The following SYBU variants were observed in gnomAD, a reference collection of about 807,000 sequenced individuals.
The protein encoded by SYBU is GOLSYN A protein.
Under a neutral mutation model 35.9 loss-of-function variants are expected in SYBU, and 21 were observed. That is an observed-to-expected ratio of 0.58 (90% CI 0.41 to 0.84). The LOEUF is 0.84. SYBU is among the 40% of genes least tolerant of loss of function. The pLI is 0.00. For missense variants in SYBU, 768 were observed against 848.2 expected (o/e 0.91, Z 1.17); for synonymous variants, 319 against 324.3 (o/e 0.98, Z 0.18).
chr8:109,657,191 T>G (rs1334941940), intron 1 of SYBU, among the ~76,000 whole-genome samples: 2 of 152,196 alleles, frequency 1.3e-5, no homozygotes, highest in Non-Finnish European at 2.9e-5. Context: ...ACGTATAAAC[T>G]TTTCTTAACG....
chr8:109,654,287 G>A (rs1303308785), intron 1 of SYBU, among the ~76,000 whole-genome samples: 1 of 152,144 alleles, frequency 6.6e-6, no homozygotes, highest in Non-Finnish European at 1.5e-5. Flanking sequence ...TGTACTCACA[G>A]CTCTACCAAA....
chr8:109,681,090 G>A (rs1447490063), upstream of SYBU: 1 of 152,208 alleles, frequency 6.6e-6, no homozygotes, highest in East Asian at 1.9e-4. Flanking sequence ...ACAGCTGGAA[G>A]TTTGTGGTCA....
chr8:109,644,759 C>G lies in SYBU; in HGVS notation c.-100G>C. Reference sequence around the variant, plus strand: ...GGAGACTGCGCTGAGCCGGCGCGGGCTGCGGGCGGCGGCTCTTGGTGAGGC... The same window carrying G: ...GGAGACTGCGCTGAGCCGGCGCGGGGTGCGGGCGGCGGCTCTTGGTGAGGC... On this transcript the variant is annotated 5_prime_UTR_variant, in exon 1 of 7. Coordinates refer to ENST00000276646, the MANE Select transcript of SYBU (RefSeq NM_001099754.2). 8.3e-7 allele frequency: 1 copy of G among 1,198,300 alleles called. No homozygotes were observed. The highest frequency in any genetic ancestry group is 4.2e-5 in the Admixed American group (1 of 23,766). 74.2% of individuals were successfully genotyped at this position (1,198,300 alleles called of 1,614,324 possible).
At chr8:109,577,804 C>T (rs566536983) in intron 6 of SYBU, 64 bp downstream of exon 6, 7 of 1,462,928 alleles carry the variant, frequency 4.8e-6, no homozygotes, top group Admixed American at 2.3e-5. Context: ...AGTTTGGGTT[C>T]ATATTTCATT....
chr8:109,673,244 C>A (rs1301537236), intron 1 of SYBU, among the ~76,000 whole-genome samples: 1 of 152,162 alleles, frequency 6.6e-6, no homozygotes, highest in Non-Finnish European at 1.5e-5. Context: ...CTGGGAGACA[C>A]CTCCCAGCAA....
At chr8:109,642,529 T>C (rs1815023104) in intron 2 of SYBU, among the ~76,000 whole-genome samples, 199 bp downstream of exon 2, 1 of 152,206 alleles carries the variant, frequency 6.6e-6, no homozygotes, top group Non-Finnish European at 1.5e-5. Context: ...AAAATTCAGG[T>C]GTGAGATTCC....
intron 1 of SYBU, among the ~76,000 whole-genome samples, chr8:109,689,658 G>A (rs752377399): frequency 2.0e-5 from 3 of 151,992 alleles, no homozygotes; most frequent in Admixed American, 6.5e-5. Context: ...ATGTAGATTC[G>A]TGTAACCACA....
Position 109,575,036 on chromosome 8 carries a change from G to A in SYBU, c.1862C>T (p.Thr621Met), listed in dbSNP as rs202210001. 2.5e-5 allele frequency: 40 copies of A among 1,606,694 alleles called. No homozygotes were observed. Among genetic ancestry groups the A allele is most frequent in the South Asian group, 5.5e-5 (5 of 90,092 alleles). The change falls in exon 7 of 7, where the codon ACG becomes ATG. Residue 621 changes from threonine (T) to methionine (M), a missense_variant. Physicochemically the swap from Thr to Met is moderately conservative, Grantham distance 81. Transcript: ENST00000276646. ...CTGAGTACTGAATGCCCACAGAACC[G>A]TGGGGACCACGGGGGCAGCCACAGC... is the stretch of plus-strand genomic sequence containing the variant. Reference protein sequence around the residue: ...LLAVAAPVVPTVLWAFSTQRG... With the variant: ...LLAVAAPVVPMVLWAFSTQRG...
At chr8:109,586,451 G>T in intron 3 of SYBU, 1 of 378,778 alleles carries the variant, frequency 2.6e-6, no homozygotes. Flanking sequence ...ATCAAGAAAT[G>T]CACTGTTCTC....
intron 1 of SYBU, among the ~76,000 whole-genome samples, chr8:109,673,617 C>G (rs1363228111): frequency 3.3e-5 from 5 of 152,142 alleles, no homozygotes; most frequent in African/African-American, 1.2e-4. Flanking sequence ...AACCAGATTG[C>G]CTTTTCTTCT....
chr8:109,600,364 T>A (rs866675522), intron 3 of SYBU, among the ~76,000 whole-genome samples: 13 of 152,182 alleles, frequency 8.5e-5, no homozygotes, highest in African/African-American at 3.1e-4. Context: ...TTCCAGCCTG[T>A]ATGCCCAAAC....
intron 2 of SYBU, among the ~76,000 whole-genome samples, chr8:109,625,868 G>A (rs1586870809): frequency 6.6e-6 from 1 of 152,294 alleles, no homozygotes; most frequent in African/African-American, 2.4e-5. Flanking sequence ...TGTATGTGTA[G>A]TGGAATTACT....
intron 1 of SYBU, chr8:109,680,323 TAGC>T (rs1321057301): frequency 2.0e-5 from 3 of 152,196 alleles, no homozygotes; most frequent in Admixed American, 2.0e-4. Context: ...CTACTATAGT[TAGC>T]AGCTCTCTCC....
intron 6 of SYBU, among the ~76,000 whole-genome samples, chr8:109,576,873 T>C (rs1822385401): frequency 6.6e-6 from 1 of 152,194 alleles, no homozygotes; most frequent in South Asian, 2.1e-4. Flanking sequence ...ATATTGCTCA[T>C]TTAAGTTTAG....
At position 109,590,767 on chromosome 8, in the gene SYBU, G is replaced by GAAAAA. The variant is rs10691264; in HGVS notation, c.428-4610_428-4606dup. Among the ~76,000 whole-genome samples the GAAAAA allele has an allele frequency of 1.5e-3, 187 of 122,024 alleles. 2 individuals are homozygous for GAAAAA. Among genetic ancestry groups the GAAAAA allele is most frequent in the African/African-American group, 4.0e-3 (149 of 36,920 alleles). 80.1% of individuals were successfully genotyped at this position (122,024 alleles called of 152,430 possible). A position where few individuals can be genotyped will look rare whatever the true frequency, so the allele number is the denominator to read the frequency against. On this transcript the variant is annotated intron_variant, in intron 3 of 6. Transcript: ENST00000276646. Reference sequence around the variant, plus strand: ...AATTTACCAGAAGCTCATAAAATTAGAAAAAAAAAAAAACTAACAGAAAAA... The same window carrying GAAAAA: ...AATTTACCAGAAGCTCATAAAATTAGAAAAAAAAAAAAAAAAAACTAACAGAAAAA...
intron 6 of SYBU, 27 bp from the exon 7 acceptor site, chr8:109,576,040 A>AT (rs765942498): frequency 5.0e-6 from 5 of 995,376 alleles, no homozygotes; most frequent in Non-Finnish European, 5.2e-6. Flanking sequence ...AGCATGGTTA[A>AT]TTAAAAAAAA....
At chr8:109,667,486 T>C (rs1278548806) in intron 1 of SYBU, among the ~76,000 whole-genome samples, 2 of 150,318 alleles carry the variant, frequency 1.3e-5, no homozygotes, top group Admixed American at 6.6e-5. Context: ...TGCCATCAAT[T>C]TGGTATTTTT....
At chr8:109,675,409 T>G (rs3134327) in intron 1 of SYBU, among the ~76,000 whole-genome samples, 45,129 of 151,486 alleles carry the variant, frequency 0.3, 7,601 homozygotes, top group East Asian at 0.52. Flanking sequence ...TAATAAAGAA[T>G]AAAAGAGAGG....
At chr8:109,618,674 A>G (rs1812090173) in intron 3 of SYBU, 168 bp downstream of exon 3, 3 of 647,568 alleles carry the variant, frequency 4.6e-6, no homozygotes, top group South Asian at 3.8e-5. Context: ...ATTAAAAACC[A>G]TTTCAGAAAA....
Sources: gnomAD v4.1 joint callset for allele counts (sites outside exome capture counted in the v4.1 genomes callset) on GRCh38, gnomAD v4.1.1 for gene constraint, MANE v1.5 for transcripts, NCBI Gene and HGNC (gene_info 2026-07-23, HGNC 2026-07-21) for gene names.